The following SLC2A9 variants were observed in gnomAD, a reference collection of about 807,000 sequenced individuals.
The protein encoded by SLC2A9 is solute carrier family 2, facilitated glucose transporter member 9.
SLC2A9 carries 39 observed loss-of-function variants against 50.6 expected under a neutral mutation model. The observed-to-expected ratio is 0.77, with a 90% CI of 0.60 to 1.01. The LOEUF (loss-of-function observed/expected upper bound fraction) is 1.01. SLC2A9 is among the 50% of genes least tolerant of loss of function. The pLI is 0.00. For synonymous variants in SLC2A9, 324 were observed against 276.9 expected, an observed-to-expected ratio of 1.17 and a Z score of -1.69; for missense variants, 686 against 677.6, an observed-to-expected ratio of 1.01 and a Z score of -0.14.
chr4:9,823,603 GTAAAGT>G (rs1724704062), downstream of SLC2A9, among the ~76,000 whole-genome samples: 1 of 152,166 alleles, frequency 6.6e-6, no homozygotes, highest in African/African-American at 2.4e-5. Context: ...CTACTCATTT[GTAAAGT>G]TAAAGTGTGA....
At chr4:10,017,474 G>A (rs189691788) in intron 2 of SLC2A9, among the ~76,000 whole-genome samples, 30 of 152,298 alleles carry the variant, frequency 2.0e-4, no homozygotes, top group Admixed American at 8.5e-4. Flanking sequence ...AGCCATCTAG[G>A]CCCCCTGGTT....
At chr4:9,917,573 C>T (rs1362909693) in intron 7 of SLC2A9, among the ~76,000 whole-genome samples, 2 of 151,396 alleles carry the variant, frequency 1.3e-5, no homozygotes, top group South Asian at 2.1e-4. Flanking sequence ...TCAGGTGATC[C>T]GCCTGCCTCA....
intron 11 of SLC2A9, among the ~76,000 whole-genome samples, chr4:9,834,087 C>A (rs1726638455): frequency 6.6e-6 from 1 of 152,212 alleles, no homozygotes; most frequent in Admixed American, 6.5e-5. Flanking sequence ...TTAGCCCTGC[C>A]TAAGGGCCCT....
At chr4:10,017,757 G>T (rs746198103) in intron 2 of SLC2A9, among the ~76,000 whole-genome samples, 4 of 152,148 alleles carry the variant, frequency 2.6e-5, no homozygotes, top group Admixed American at 6.5e-5. Context: ...TGTGCTCCAA[G>T]AACCTGGAGC....
downstream of SLC2A9, among the ~76,000 whole-genome samples, chr4:9,775,277 C>T (rs897047343): frequency 1.3e-5 from 2 of 152,176 alleles, no homozygotes; most frequent in Non-Finnish European, 2.9e-5. Context: ...GGGAGACTCT[C>T]ATGAGCAAAG....
At chr4:9,879,032 C>G (rs1487838461) in intron 10 of SLC2A9, 1 of 985,022 alleles carries the variant, frequency 1.0e-6, no homozygotes, top group South Asian at 4.7e-5. Flanking sequence ...ATGAAAAATA[C>G]AAGCATTTAT....
At chr4:9,957,144 C>T (rs1751451941) in intron 5 of SLC2A9, among the ~76,000 whole-genome samples, 1 of 151,934 alleles carries the variant, frequency 6.6e-6, no homozygotes, top group South Asian at 2.1e-4. Context: ...GGGGTTCATT[C>T]TCACAATCAA....
At chr4:10,020,415 G>A (rs1763363698) in intron 1 of SLC2A9, among the ~76,000 whole-genome samples, 1 of 152,164 alleles carries the variant, frequency 6.6e-6, no homozygotes, top group South Asian at 2.1e-4. Flanking sequence ...TTGTTGAGGA[G>A]CCTGCTGCAG....
chr4:9,831,369 T>C (rs1174915907), intron 11 of SLC2A9, among the ~76,000 whole-genome samples: 2 of 152,216 alleles, frequency 1.3e-5, no homozygotes, highest in African/African-American at 2.4e-5. Flanking sequence ...AGGGAGACCA[T>C]GCGAGGACAC....
intron 8 of SLC2A9, among the ~76,000 whole-genome samples, chr4:9,907,110 T>C (rs1387328909): frequency 6.6e-6 from 1 of 151,962 alleles, no homozygotes; most frequent in Non-Finnish European, 1.5e-5. Flanking sequence ...TGAGCAAGAG[T>C]GAAAATAAAT....
Position 9,938,416 on chromosome 4 carries a change from C to A in SLC2A9, c.814+3497G>T, listed in dbSNP as rs1479806114. On this transcript the variant is annotated intron_variant, in intron 6 of 11. Coordinates refer to ENST00000264784, the MANE Select transcript of SLC2A9 (RefSeq NM_020041.3). The stretch of plus-strand genomic sequence containing the variant: ...CCTCCAGAGTAGCTGGGACTACAGG[C>A]GCCTGCCAACACGCCCGGCTAATTT... Among the ~76,000 whole-genome samples, 4 of 151,996 alleles carry A rather than the reference C, an allele frequency of 2.6e-5. No homozygotes were observed. In the East Asian group the frequency reaches 5.8e-4, roughly 22 times the overall value.
intron 3 of SLC2A9, chr4:9,781,663 C>A: frequency 5.1e-6 from 1 of 196,168 alleles, no homozygotes; most frequent in Non-Finnish European, 1.0e-5. Flanking sequence ...CGACTGCCTG[C>A]CCCAGCCCCT....
At chr4:10,026,446 G>A (rs2109582864), upstream of SLC2A9, among the ~76,000 whole-genome samples, 1 of 152,206 alleles carries the variant, frequency 6.6e-6, no homozygotes, top group East Asian at 1.9e-4. Context: ...AGCTACTGTG[G>A]GAAAAAGTTT....
chr4:10,022,338 G>A (rs762152103), upstream of SLC2A9, among the ~76,000 whole-genome samples: 9 of 152,252 alleles, frequency 5.9e-5, no homozygotes, highest in Admixed American at 2.6e-4. Flanking sequence ...GAACAAAGGC[G>A]AGGGCTGTGG....
chr4:9,964,316 G>T (rs1231817002), intron 5 of SLC2A9, among the ~76,000 whole-genome samples: 1 of 152,138 alleles, frequency 6.6e-6, no homozygotes, highest in Admixed American at 6.5e-5. Context: ...CTGGGAACAC[G>T]TTTTGAGAAC....
At chr4:9,890,150 A>G (rs1462724426) in intron 9 of SLC2A9, among the ~76,000 whole-genome samples, 1 of 152,204 alleles carries the variant, frequency 6.6e-6, no homozygotes, top group African/African-American at 2.4e-5. Flanking sequence ...ATTACAAGTA[A>G]GGAAAAGCCA....
intron 3 of SLC2A9, among the ~76,000 whole-genome samples, chr4:9,784,823 G>A (rs1719012667): frequency 6.6e-6 from 1 of 152,200 alleles, no homozygotes; most frequent in Non-Finnish European, 1.5e-5. Context: ...CTGCTTTGAA[G>A]CCGTTTTATC....
At chr4:9,897,025 T>A (rs547588364) in intron 8 of SLC2A9, among the ~76,000 whole-genome samples, 5 of 152,134 alleles carry the variant, frequency 3.3e-5, no homozygotes, top group Non-Finnish European at 7.4e-5. Flanking sequence ...CTGATTACAT[T>A]TTCTTGGGGT....
intron 1 of SLC2A9, among the ~76,000 whole-genome samples, chr4:10,030,687 C>T (rs1010204059): frequency 6.6e-6 from 1 of 152,156 alleles, no homozygotes; most frequent in Non-Finnish European, 1.5e-5. Context: ...CACAACCAAC[C>T]AAAAGTCATC....
Sources: allele counts gnomAD v4.1 joint callset (sites outside exome capture counted in the v4.1 genomes callset), GRCh38; gene constraint gnomAD v4.1.1; transcripts MANE v1.5; gene names NCBI Gene and HGNC (gene_info 2026-07-23, HGNC 2026-07-21).